STOX1: variants seen among roughly 807,000 people sequenced by gnomAD.
STOX1 encodes the protein storkhead box 1.
In STOX1, 57 loss-of-function variants were observed where a neutral mutation model predicts 74.8. The ratio of observed to expected loss-of-function variants is 0.76; its 90% CI spans 0.62 to 0.95. STOX1 has a LOEUF of 0.95. Among genes scored for constraint, STOX1 ranks in the 40% least tolerant of loss-of-function variants. The probability of loss-of-function intolerance (pLI) is 0.00; values close to 1 mark genes in which losing one functional copy is unlikely to be tolerated. For missense variants in STOX1, 1,010 were observed against 1,117.0 expected (o/e 0.90, Z 1.37); for synonymous variants, 375 against 401.3 (o/e 0.93, Z 0.78).
Position 68,888,336 on chromosome 10 carries a change from A to G in STOX1, c.2822+1718A>G, listed in dbSNP as rs181754553. ...AGACTGGTCTCGAACTCCTGACCTC[A>G]GGTGATCTGCCCGCCTCGGCCTCCC... On this transcript the variant is annotated intron_variant, in intron 3 of 3. Transcript: ENST00000298596. Among the ~76,000 whole-genome samples, 1,440 of 152,266 alleles carry G rather than the reference A, an allele frequency of 9.5e-3. 23 individuals carry two copies. The highest frequency in any genetic ancestry group is 0.033 in the African/African-American group (1,356 of 41,552).
chr10:68,855,410 G>A (rs1330808056), intron 1 of STOX1, among the ~76,000 whole-genome samples: 1 of 150,520 alleles, frequency 6.6e-6, no homozygotes, highest in Non-Finnish European at 1.5e-5. Flanking sequence ...CATGAGCCAC[G>A]GTGCCTGGCC....
At chr10:68,854,177 T>C (rs1186420154) in intron 1 of STOX1, among the ~76,000 whole-genome samples, 2 of 151,772 alleles carry the variant, frequency 1.3e-5, no homozygotes, top group East Asian at 1.9e-4. Flanking sequence ...ATATTTTTAG[T>C]AGAGAAGGAG....
intron 3 of STOX1, among the ~76,000 whole-genome samples, chr10:68,888,598 T>G (rs1164283813): frequency 2.0e-5 from 3 of 151,598 alleles, no homozygotes; most frequent in Non-Finnish European, 4.4e-5. Flanking sequence ...CAAAGGTCAT[T>G]CTAAAATTTG....
chr10:68,868,287 G>A (rs773490704), intron 1 of STOX1, among the ~76,000 whole-genome samples: 5 of 152,240 alleles, frequency 3.3e-5, no homozygotes, highest in Non-Finnish European at 5.9e-5. Flanking sequence ...CAGTAAGCCC[G>A]AGATAAACAT....
chr10:68,858,892 G>T (rs1479059266), intron 1 of STOX1, among the ~76,000 whole-genome samples: 1 of 151,980 alleles, frequency 6.6e-6, no homozygotes, highest in Non-Finnish European at 1.5e-5. Flanking sequence ...GTATAGTCTG[G>T]GCTAAATGGT....
chr10:68,877,544 G>A (rs1840709410), intron 1 of STOX1, among the ~76,000 whole-genome samples: 1 of 152,140 alleles, frequency 6.6e-6, no homozygotes, highest in Non-Finnish European at 1.5e-5. Context: ...AATCTATCTT[G>A]ACTATTAGTT....
chr10:68,837,001 TG>T (rs1839573609), intron 1 of STOX1, among the ~76,000 whole-genome samples: 1 of 152,236 alleles, frequency 6.6e-6, no homozygotes, highest in African/African-American at 2.4e-5. Context: ...CACACCATGC[TG>T]GGCTGCCCTT....
intron 1 of STOX1, among the ~76,000 whole-genome samples, chr10:68,845,570 G>A (rs1165402594): frequency 4.7e-5 from 7 of 150,164 alleles, no homozygotes; most frequent in African/African-American, 7.3e-5. Flanking sequence ...CACCGCGCCC[G>A]GCAACACCTG....
intron 3 of STOX1, 82 bp downstream of exon 3, chr10:68,886,700 G>A (rs1000739582): frequency 4.3e-5 from 56 of 1,299,574 alleles, no homozygotes; most frequent in Non-Finnish European, 5.8e-5. Flanking sequence ...AGGCCGAGGC[G>A]GGCAGATCAC....
At chr10:68,883,516 C>G (rs1281363413) in intron 2 of STOX1, among the ~76,000 whole-genome samples, 1 of 151,968 alleles carries the variant, frequency 6.6e-6, no homozygotes, top group Non-Finnish European at 1.5e-5. Context: ...AGGGTTCAAG[C>G]AATCCTCCCA....
chr10:68,859,435 T>C (rs1564577793), intron 1 of STOX1, among the ~76,000 whole-genome samples: 1 of 152,134 alleles, frequency 6.6e-6, no homozygotes, highest in Non-Finnish European at 1.5e-5. Flanking sequence ...CTTCTGCATC[T>C]CATCTCAAAG....
At chr10:68,849,983 T>G (rs537122279) in intron 1 of STOX1, among the ~76,000 whole-genome samples, 52 of 152,268 alleles carry the variant, frequency 3.4e-4, no homozygotes, top group African/African-American at 1.2e-3. Flanking sequence ...CATTTGGGGA[T>G]GGGGCTTTTC....
intron 1 of STOX1, among the ~76,000 whole-genome samples, chr10:68,868,421 G>C (rs1840460399): frequency 6.6e-6 from 1 of 152,248 alleles, no homozygotes; most frequent in Non-Finnish European, 1.5e-5. Context: ...ATTGTTTGTG[G>C]TTTAGGAACA....
intron 1 of STOX1, among the ~76,000 whole-genome samples, chr10:68,836,248 G>A (rs188461383): frequency 6.6e-6 from 1 of 152,310 alleles, no homozygotes; most frequent in Non-Finnish European, 1.5e-5. Flanking sequence ...CAGCTCCATT[G>A]TCTACATGGG....
intron 1 of STOX1, among the ~76,000 whole-genome samples, chr10:68,877,805 G>T (rs540368293): frequency 2.6e-5 from 4 of 152,300 alleles, no homozygotes; most frequent in South Asian, 4.1e-4. Context: ...GCTCAAATGG[G>T]TATTATGTGG....
At chr10:68,873,558 G>GT (rs1840593901) in intron 1 of STOX1, among the ~76,000 whole-genome samples, 1 of 73,630 alleles carries the variant, frequency 1.4e-5, no homozygotes. Context: ...ACCGCGCCTG[G>GT]CCTTTTTTTT....
chr10:68,843,216 G>A (rs1839740169), intron 1 of STOX1, among the ~76,000 whole-genome samples: 1 of 151,872 alleles, frequency 6.6e-6, no homozygotes, highest in Non-Finnish European at 1.5e-5. Flanking sequence ...TTTTTTTGTA[G>A]TGATGGGGTC....
At chr10:68,861,494 G>A (rs1466366051) in intron 1 of STOX1, among the ~76,000 whole-genome samples, 1 of 152,144 alleles carries the variant, frequency 6.6e-6, no homozygotes, top group Non-Finnish European at 1.5e-5. Context: ...GCCATCATGA[G>A]CATGTCACAG....
In STOX1 at chr10:68,885,504, AC is replaced by A; in HGVS notation, c.1709del (p.Thr570MetfsTer36). The A allele has an allele frequency of 6.2e-7, 1 of 1,614,172 alleles. No homozygotes were observed. The highest frequency in any genetic ancestry group is 1.1e-5 in the South Asian group (1 of 91,088). ...AGAATCCATTTACATAAATGACCCT[AC>A]TGTCAAACCCATCAATGATGACTTC... ...EAESIYINDP[T>X]VKPINDDFRG... On this transcript the variant is annotated frameshift_variant, in exon 3 of 4. Coordinates refer to ENST00000298596, the MANE Select transcript of STOX1 (RefSeq NM_152709.5). LOFTEE classifies it high-confidence loss of function.
Sources: gnomAD v4.1 joint callset for allele counts (sites outside exome capture counted in the v4.1 genomes callset) on GRCh38, gnomAD v4.1.1 for gene constraint, MANE v1.5 for transcripts, NCBI Gene and HGNC (gene_info 2026-07-23, HGNC 2026-07-21) for gene names.